YLPM1: variants seen among roughly 807,000 people sequenced by gnomAD.
YLPM1 encodes YLP motif containing 1.
In YLPM1, 99 loss-of-function variants were observed where a neutral mutation model predicts 230.0. That is an observed-to-expected ratio of 0.43 (90% CI 0.37 to 0.51). YLPM1 has a LOEUF of 0.51. Among genes scored for constraint, YLPM1 ranks in the 20% least tolerant of loss-of-function variants. YLPM1 has a pLI of 0.00. For missense variants in YLPM1, 2,592 were observed against 2,707.7 expected (o/e 0.96, Z 0.95); for synonymous variants, 984 against 942.5 (o/e 1.04, Z -0.81).
chr14:74,823,825 T>C (rs1168400242), intron 17 of YLPM1, among the ~76,000 whole-genome samples: 1 of 152,144 alleles, frequency 6.6e-6, no homozygotes, highest in Non-Finnish European at 1.5e-5. Flanking sequence ...AGAACACTTT[T>C]TGCATCTTAT....
intron 1 of YLPM1, among the ~76,000 whole-genome samples, chr14:74,773,040 C>A (rs961205162): frequency 6.6e-6 from 1 of 151,984 alleles, no homozygotes; most frequent in African/African-American, 2.4e-5. Flanking sequence ...GTAATCCCAG[C>A]ACTTTGGGAG....
intron 19 of YLPM1, among the ~76,000 whole-genome samples, chr14:74,833,976 CAA>C (rs914148484): frequency 4.0e-4 from 61 of 152,232 alleles, no homozygotes; most frequent in African/African-American, 1.2e-3. Flanking sequence ...GTAGTGCAAG[CAA>C]CAGATTCATA....
Position 74,799,352 on chromosome 14 carries a change from G to C in YLPM1, c.4055G>C (p.Arg1352Thr), listed in dbSNP as rs2091301108. 6.2e-7 allele frequency: 1 copy of C among 1,614,024 alleles called. No homozygotes were observed. ...GATAGATATCGGGATGATAGATGGA[G>C]AGAAGAAAGAAATCGAGAGCATGGG... Reference protein sequence around the residue: ...PLDRYRDDRWREERNREHGYD... With the variant: ...PLDRYRDDRWTEERNREHGYD... Residue 1352 changes from arginine (R) to threonine (T), a missense_variant, in exon 5 of 21, where the codon AGA becomes ACA. Arg to Thr is a moderately conservative substitution (Grantham distance 71). Around this residue, in one of 4 missense-constraint regions of YLPM1, gnomAD observed 1,862 missense variants for 1,819.8 expected, o/e 1.02. Transcript: ENST00000325680.
Position 74,763,649 on chromosome 14 carries a change from C to T in YLPM1, c.160C>T (p.Arg54Cys). The T allele has an allele frequency of 1.9e-6, 3 of 1,589,574 alleles. No homozygotes were observed. The highest frequency in any genetic ancestry group is 2.3e-5 in the East Asian group (1 of 42,586). ...APSSSGFMSF[R>C]EQHLAQLQQL... The stretch of plus-strand genomic sequence containing the variant: ...CTCCTCCTCGGGCTTCATGAGCTTC[C>T]GCGAACAGCACTTGGCGCAGCTCCA... The change falls in exon 1 of 21, where the codon CGC (arginine) becomes TGC (cysteine). Residue 54 changes from arginine to cysteine, a missense_variant. Coordinates refer to ENST00000325680, the MANE Select transcript of YLPM1 (RefSeq NM_019589.3).
At chr14:74,835,528 T>A (rs2140150377) in intron 20 of YLPM1, 81 bp downstream of exon 20, 2 of 1,244,996 alleles carry the variant, frequency 1.6e-6, no homozygotes, top group South Asian at 1.5e-5. Context: ...CATATTTTGC[T>A]AAAAATGCTC....
intron 19 of YLPM1, among the ~76,000 whole-genome samples, chr14:74,829,652 A>AAG (rs766813067): frequency 2.1e-4 from 32 of 152,206 alleles, no homozygotes; most frequent in Middle Eastern, 6.8e-3. Flanking sequence ...TAGGGTATTG[A>AAG]AGAGAACCTG....
chr14:74,818,891 G>T (rs1442165395), intron 16 of YLPM1, among the ~76,000 whole-genome samples: 3 of 142,334 alleles, frequency 2.1e-5, no homozygotes, highest in Non-Finnish European at 4.8e-5. Flanking sequence ...TTTGTAGAAT[G>T]CCCCTCAATT....
At chr14:74,821,006 T>C in intron 16 of YLPM1, 51 bp from the exon 17 acceptor site, 2 of 1,410,678 alleles carry the variant, frequency 1.4e-6, no homozygotes, top group Non-Finnish European at 1.9e-6. Flanking sequence ...GAGTCAATAT[T>C]TTGCTAAATG....
At chr14:74,771,516 T>A (rs1360728677) in intron 1 of YLPM1, among the ~76,000 whole-genome samples, 1 of 152,142 alleles carries the variant, frequency 6.6e-6, no homozygotes, top group Non-Finnish European at 1.5e-5. Flanking sequence ...TTGGCACCAG[T>A]GTGATAGGTG....
At chr14:74,793,870 A>G (rs1434012031) in intron 4 of YLPM1, among the ~76,000 whole-genome samples, 3 of 152,180 alleles carry the variant, frequency 2.0e-5, no homozygotes, top group East Asian at 3.8e-4. Context: ...TTTAGCCCCA[A>G]GTTTTACTCC....
rs1427093967 is a variant in YLPM1, at chr14:74,763,957, C to T, written c.468C>T (p.Ser156=). ...PPESPPVPPG[S]YMPPSQSYMP... ...AATCTCCCCCTGTGCCGCCTGGGTCCTATATGCCCCCATCTCAGTCTTACA... is the reference window on the plus strand; with the variant it reads ...AATCTCCCCCTGTGCCGCCTGGGTCTTATATGCCCCCATCTCAGTCTTACA... Residue 156 remains serine (S), a synonymous_variant, in exon 1 of 21, where the codon TCC becomes TCT. Coordinates refer to ENST00000325680, the MANE Select transcript of YLPM1 (RefSeq NM_019589.3). 2 of 1,303,458 alleles carry T rather than the reference C, an allele frequency of 1.5e-6. No individual in the cohort carries two copies. The highest frequency in any genetic ancestry group is 2.0e-6 in the Non-Finnish European group (2 of 991,466). The allele number at this position is 1,303,458 out of a possible 1,614,324, so 80.7% of individuals were successfully genotyped here. A position where few individuals can be genotyped will look rare whatever the true frequency, so the allele number is the denominator to read the frequency against.
intron 4 of YLPM1, among the ~76,000 whole-genome samples, chr14:74,795,475 C>G (rs2091250799): frequency 1.3e-5 from 2 of 152,238 alleles, no homozygotes; most frequent in South Asian, 2.1e-4. Flanking sequence ...TCACTGTCTA[C>G]TACTCAGTCA....
intron 19 of YLPM1, among the ~76,000 whole-genome samples, chr14:74,832,059 T>C (rs1257249120): frequency 1.3e-5 from 2 of 152,230 alleles, no homozygotes; most frequent in Admixed American, 1.3e-4. Context: ...GAAATACTTA[T>C]AGTTACAGTG....
Position 74,763,425 on chromosome 14 carries a change from G to A in YLPM1, c.-65G>A, listed in dbSNP as rs995627765. The A allele has an allele frequency of 1.5e-6, 2 of 1,364,096 alleles. No individual in the cohort carries two copies. Among genetic ancestry groups the A allele is most frequent in the Admixed American group, 6.0e-5 (2 of 33,546 alleles). The allele number at this position is 1,364,096 out of a possible 1,614,324, so 84.5% of individuals were successfully genotyped here. On this transcript the variant is annotated 5_prime_UTR_variant, in exon 1 of 21. Coordinates refer to ENST00000325680, the MANE Select transcript of YLPM1 (RefSeq NM_019589.3). ...TTCCGGCTGTCGCCGTCGCCGCCGC[G>A]GCTCCTGGAGGTCGGTTGCGACGAG...
At chr14:74,777,528 C>T (rs1035787633) in intron 1 of YLPM1, among the ~76,000 whole-genome samples, 1 of 151,480 alleles carries the variant, frequency 6.6e-6, no homozygotes, top group Non-Finnish European at 1.5e-5. Context: ...GATCACACCA[C>T]TGCACTCCAG....
chr14:74,794,182 TTCTC>T (rs1314192895), intron 4 of YLPM1, among the ~76,000 whole-genome samples: 3 of 152,044 alleles, frequency 2.0e-5, no homozygotes, highest in Admixed American at 6.5e-5. Flanking sequence ...AAAATTCCCT[TTCTC>T]TCTCTTTTTT....
intron 11 of YLPM1, 29 bp downstream of exon 11, chr14:74,812,811 G>A (rs369218364): frequency 1.5e-4 from 247 of 1,599,944 alleles, no homozygotes; most frequent in South Asian, 3.7e-4. Context: ...ATTCGTCTTC[G>A]TGCAAACCAG....
chr14:74,807,108 A>G (rs191241363), intron 6 of YLPM1, among the ~76,000 whole-genome samples: 49 of 152,312 alleles, frequency 3.2e-4, no homozygotes, highest in African/African-American at 1.1e-3. Flanking sequence ...TGTAGCCAGT[A>G]GTTACCTCCA....
rs769510373 is a variant in YLPM1, at chr14:74,780,484, G to A, written c.1190G>A (p.Arg397Gln). 1.2e-5 allele frequency: 19 copies of A among 1,613,848 alleles called. No homozygotes were observed. Among genetic ancestry groups the A allele is most frequent in the East Asian group, 2.2e-5 (1 of 44,902 alleles). Residue 397 changes from arginine to glutamine, a missense_variant, in exon 3 of 21, where the codon CGA becomes CAA. Physicochemically the swap from Arg to Gln is conservative, Grantham distance 43. Transcript: ENST00000325680. ...CACTGGCAGCAGCACCAGCAGCATC[G>A]AGTCGGTTTCCAGTATCAGGGAATA... ...AAHWQQHQQHRVGFQYQGIMQ... is the reference protein window; with the variant it reads ...AAHWQQHQQHQVGFQYQGIMQ...
Sources: gnomAD v4.1 joint callset for allele counts (sites outside exome capture counted in the v4.1 genomes callset) on GRCh38, gnomAD v4.1.1 for gene constraint, gnomAD v4.1.1 regional missense constraint, MANE v1.5 for transcripts, NCBI Gene and HGNC (gene_info 2026-07-23, HGNC 2026-07-21) for gene names.